Variants in DHRS3 observed in about 807,000 individuals in gnomAD.
The protein encoded by DHRS3 is short-chain dehydrogenase/reductase 3.
A neutral mutation model predicts 27.2 loss-of-function variants in DHRS3; 14 were observed. The ratio of observed to expected loss-of-function variants is 0.52; its 90% confidence interval spans 0.34 to 0.81. DHRS3 has a LOEUF of 0.81. DHRS3 is among the 30% of genes least tolerant of loss of function. The pLI, the probability that DHRS3 is intolerant of heterozygous loss-of-function variation, is 0.01. For missense variants in DHRS3, 322 were observed against 406.2 expected, an observed-to-expected ratio of 0.79 and a Z score of 1.78; for synonymous variants, 165 against 175.9, an observed-to-expected ratio of 0.94 and a Z score of 0.49.
intron 1 of DHRS3, among the ~76,000 whole-genome samples, chr1:12,614,055 G>A (rs1646927810): frequency 6.6e-6 from 1 of 152,184 alleles, no homozygotes; most frequent in Admixed American, 6.5e-5. Context: ...ACAGGCATGA[G>A]CCACTGCTCC....
chr1:12,607,489 TCTC>T (rs1646879317), intron 1 of DHRS3, among the ~76,000 whole-genome samples: 1 of 152,144 alleles, frequency 6.6e-6, no homozygotes, highest in African/African-American at 2.4e-5. Context: ...CTAAGTTCAT[TCTC>T]CTTCCTGCTG....
Position 12,579,398 on chromosome 1 carries a change from G to A in DHRS3, c.354C>T (p.Thr118=), listed in dbSNP as rs145133051. 1.9e-6 allele frequency: 3 copies of A among 1,614,098 alleles called. No homozygotes were observed. Among genetic ancestry groups the A allele is most frequent in the South Asian group, 2.2e-5 (2 of 91,084 alleles). Residue 118 remains threonine, a synonymous_variant, in exon 3 of 6, where the codon ACC becomes ACT. Transcript: ENST00000616661. ...CCACGGCGGCATTGTTCACCAGGAT[G>A]GTGATGTCACCCACCTGCAGGCGAG... The part of the protein sequence containing the change: ...KAVREKVGDI[T]ILVNNAAVVH...
At position 12,618,007 on chromosome 1, in the gene DHRS3, G is replaced by A. The variant is rs1199612098; in HGVS notation, c.-659C>T. On this transcript the variant is annotated 5_prime_UTR_variant, in exon 1 of 6. Coordinates refer to ENST00000616661, the MANE Select transcript of DHRS3 (RefSeq NM_004753.7). This position sits in a 1 kb window ranked among gnomAD's most constrained non-coding sequence, Gnocchi z 4.2. ...CCAGCAACGTGCAGGAGAAGTGGGG[G>A]GTCCGGGTGTCAGTTTCTTTACGTG... Among the ~76,000 whole-genome samples, 3 of 152,018 alleles carry A rather than the reference G, an allele frequency of 2.0e-5. No individual in the cohort carries two copies. Among genetic ancestry groups the A allele is most frequent in the African/African-American group, 7.2e-5 (3 of 41,396 alleles).
chr1:12,614,086 C>G (rs1646927989), intron 1 of DHRS3, among the ~76,000 whole-genome samples: 2 of 152,130 alleles, frequency 1.3e-5, no homozygotes, highest in Non-Finnish European at 2.9e-5. Context: ...CCTGGAGTTC[C>G]TGACGTGGTA....
At chr1:12,616,628 T>A in intron 1 of DHRS3, 1 of 991,344 alleles carries the variant, frequency 1.0e-6, no homozygotes, top group Non-Finnish European at 1.2e-6. Flanking sequence ...GACTACTGCA[T>A]ACAAGACCGC....
rs556315210 is a variant in DHRS3 at position 12,599,145 on chromosome 1, A to ATC, written c.195+18007_195+18008dup. Among the ~76,000 whole-genome samples, 40 of 152,360 alleles carry ATC rather than the reference A, an allele frequency of 2.6e-4. 1 individual carries two copies. In the South Asian group the frequency reaches 7.7e-3, roughly 29 times the overall value. ...AGGCTATTAATTAGGAATCGGTTTA[A>ATC]TCTCTGCTAGGACGAAGGTCAACTG... On this transcript the variant is annotated intron_variant, in intron 1 of 5. Coordinates refer to ENST00000616661, the MANE Select transcript of DHRS3 (RefSeq NM_004753.7).
At chr1:12,595,590 C>G (rs1646789119) in intron 1 of DHRS3, among the ~76,000 whole-genome samples, 3 of 139,002 alleles carry the variant, frequency 2.2e-5, no homozygotes, top group Admixed American at 2.1e-4. Context: ...CTGGGTGGAG[C>G]GGGTGAGGAG....
intron 2 of DHRS3, chr1:12,579,763 G>A (rs140674592): frequency 5.2e-4 from 120 of 229,044 alleles, no homozygotes; most frequent in Admixed American, 1.8e-3. Context: ...GTGAGCCACC[G>A]CACCCGGTCC....
At chr1:12,585,321 A>C (rs998265026) in intron 1 of DHRS3, among the ~76,000 whole-genome samples, 21 of 102,978 alleles carry the variant, frequency 2.0e-4, no homozygotes, top group African/African-American at 7.7e-4. Context: ...GTGTGTCTCT[A>C]TGTGTCTCTG....
At chr1:12,571,440 C>T (rs1233808722) in intron 5 of DHRS3, among the ~76,000 whole-genome samples, 1 of 152,080 alleles carries the variant, frequency 6.6e-6, no homozygotes, top group Non-Finnish European at 1.5e-5. Context: ...GGGGCTATGT[C>T]CAATAGGCTG....
intron 1 of DHRS3, among the ~76,000 whole-genome samples, chr1:12,600,150 C>G (rs886436606): frequency 6.6e-6 from 1 of 152,134 alleles, no homozygotes; most frequent in African/African-American, 2.4e-5. Flanking sequence ...AACTCAAAAT[C>G]TGAATCTCTA....
intron 1 of DHRS3, chr1:12,616,431 T>G: frequency 2.1e-6 from 1 of 481,928 alleles, no homozygotes; most frequent in Non-Finnish European, 2.7e-6. Context: ...AAGGCCGTGT[T>G]TGGTGGGCAG....
At chr1:12,604,448 A>G (rs568460713) in intron 1 of DHRS3, among the ~76,000 whole-genome samples, 1 of 152,328 alleles carries the variant, frequency 6.6e-6, no homozygotes, top group South Asian at 2.1e-4. Flanking sequence ...CATTCATTGT[A>G]TGCAAATACT....
At chr1:12,575,257 G>A (rs1394101552) in intron 4 of DHRS3, among the ~76,000 whole-genome samples, 1 of 151,988 alleles carries the variant, frequency 6.6e-6, no homozygotes, top group Non-Finnish European at 1.5e-5. Context: ...AACCTGGGAG[G>A]CGGAGGTTGC....
chr1:12,609,043 A>C (rs1446755062), intron 1 of DHRS3, among the ~76,000 whole-genome samples: 1 of 152,214 alleles, frequency 6.6e-6, no homozygotes, highest in African/African-American at 2.4e-5. Flanking sequence ...ACTGAAAAGC[A>C]TCTCCTTCAT....
Position 12,578,197 on chromosome 1 carries a change from G to A in DHRS3, c.698+521C>T, listed in dbSNP as rs1646607670. ...ATCCCGCTGCATGCCTGTAGCTCTG[G>A]TAGTTTCCTATAAGCTCCCTGAACC... On this transcript the variant is annotated intron_variant, in intron 4 of 5. Transcript: ENST00000616661. This position sits in a 1 kb window ranked among gnomAD's most constrained non-coding sequence, Gnocchi z 4.5. 6.6e-6 allele frequency among the ~76,000 whole-genome samples: 1 copy of A among 152,184 alleles called. No individual in the cohort carries two copies.
Position 12,569,166 on chromosome 1 carries a change from G to A in DHRS3, c.825-742C>T, listed in dbSNP as rs559087787. Among the ~76,000 whole-genome samples, 46 of 150,898 alleles carry A rather than the reference G, an allele frequency of 3.0e-4. No individual in the cohort carries two copies. In the East Asian group the frequency reaches 5.7e-3, roughly 19 times the overall value. ...TGGGAGGCGGAGGTTTCGGTGGGCC[G>A]AGATCGCGCCGTTGCACTCCAGCCT... is the stretch of plus-strand genomic sequence containing the variant. On this transcript the variant is annotated intron_variant, in intron 5 of 5. Coordinates refer to ENST00000616661, the MANE Select transcript of DHRS3 (RefSeq NM_004753.7).
rs939443598 is a variant in DHRS3 at position 12,591,663 on chromosome 1, A to G, written c.196-10997T>C. ...GGCGTCTAGTCCTCTGTCAGCTCAGAAGGGCTCATACCCGAGAAAACTGAT... is the reference window on the plus strand; with the variant it reads ...GGCGTCTAGTCCTCTGTCAGCTCAGGAGGGCTCATACCCGAGAAAACTGAT... On this transcript the variant is annotated intron_variant, in intron 1 of 5. Transcript: ENST00000616661. The surrounding 1 kb of genome is among the most constrained non-coding windows in gnomAD (Gnocchi z 4.1). Among the ~76,000 whole-genome samples, 3 of 152,258 alleles carry G rather than the reference A, an allele frequency of 2.0e-5. No homozygotes were observed. The highest frequency in any genetic ancestry group is 7.2e-5 in the African/African-American group (3 of 41,468).
intron 1 of DHRS3, among the ~76,000 whole-genome samples, chr1:12,597,783 G>T (rs1273350062): frequency 6.6e-6 from 1 of 152,196 alleles, no homozygotes; most frequent in Non-Finnish European, 1.5e-5. Context: ...CTGTCGTTAG[G>T]ACCAGCCACA....
Sources: gnomAD v4.1 joint callset for allele counts (sites outside exome capture counted in the v4.1 genomes callset) on GRCh38, gnomAD v4.1.1 for gene constraint, Gnocchi (gnomAD v3.1) non-coding constraint, MANE v1.5 for transcripts, NCBI Gene and HGNC (gene_info 2026-07-23, HGNC 2026-07-21) for gene names.